Variants in MSR1 observed in about 807,000 individuals in gnomAD.
The protein encoded by MSR1 is macrophage scavenger receptor 1.
MSR1 carries 53 observed loss-of-function variants against 47.2 expected under a neutral mutation model. The observed-to-expected ratio is 1.12, with a 90% CI of 0.90 to 1.41. The LOEUF (loss-of-function observed/expected upper bound fraction) is 1.41. MSR1 is among the 40% of genes most tolerant of loss of function. The probability of loss-of-function intolerance (pLI) is 0.00; values close to 1 mark genes in which losing one functional copy is unlikely to be tolerated. For synonymous variants in MSR1, 239 were observed against 185.6 expected, an observed-to-expected ratio of 1.29 and a Z score of -2.34; for missense variants, 786 against 546.9, an observed-to-expected ratio of 1.44 and a Z score of -4.36.
intron 5 of MSR1, among the ~76,000 whole-genome samples, chr8:16,161,345 G>A (rs1293739520): frequency 6.6e-6 from 1 of 151,946 alleles, no homozygotes; most frequent in Non-Finnish European, 1.5e-5. Flanking sequence ...GGCAGATGCG[G>A]GTGGCTAGTT....
chr8:16,113,673 C>G (rs1799813101), intron 9 of MSR1, among the ~76,000 whole-genome samples: 1 of 151,986 alleles, frequency 6.6e-6, no homozygotes, highest in African/African-American at 2.4e-5. Flanking sequence ...ACTCATTTTT[C>G]CTCAATTTTA....
chr8:16,111,633 T>C (rs76903738), intron 9 of MSR1, among the ~76,000 whole-genome samples: 13,819 of 152,052 alleles, frequency 0.091, 827 homozygotes, highest in African/African-American at 0.16. Flanking sequence ...TTTTTAGAAA[T>C]TGCAGTAAGG....
At chr8:16,143,637 T>C (rs146511318) in intron 7 of MSR1, 26 bp from the exon 8 acceptor site, 3 of 1,596,100 alleles carry the variant, frequency 1.9e-6, no homozygotes, top group South Asian at 1.1e-5. Context: ...AAAATATTTG[T>C]TTTTAATCAG....
chr8:16,171,618 A>T (rs1288411615), intron 3 of MSR1, among the ~76,000 whole-genome samples: 1 of 152,168 alleles, frequency 6.6e-6, no homozygotes, highest in Non-Finnish European at 1.5e-5. Flanking sequence ...TGTGGAAAGT[A>T]TTGCTTGAGT....
intron 6 of MSR1, 151 bp from the exon 7 acceptor site, chr8:16,150,462 C>T (rs1800825249): frequency 5.8e-6 from 2 of 342,754 alleles, no homozygotes; most frequent in African/African-American, 4.3e-5. Flanking sequence ...TAATGTTTGA[C>T]ATTGAAAAAC....
At chr8:16,136,155 G>T (rs531003158) in intron 8 of MSR1, among the ~76,000 whole-genome samples, 1 of 152,098 alleles carries the variant, frequency 6.6e-6, no homozygotes, top group East Asian at 1.9e-4. Flanking sequence ...TCTAAAGTGG[G>T]TCAATGCTAT....
At chr8:16,179,877 C>G (rs1437728784) in intron 1 of MSR1, among the ~76,000 whole-genome samples, 1 of 32,168 alleles carries the variant, frequency 3.1e-5, no homozygotes, top group Non-Finnish European at 5.4e-5. Context: ...AACCCTGTGT[C>G]TCAAAAAAAA....
rs3036816 is a variant in MSR1, at chr8:16,150,851, AACACACACAC to A, written c.899-550_899-541del. On this transcript the variant is annotated intron_variant, in intron 6 of 9. Transcript: ENST00000262101. ...CCCAGGGTAAATAAACATAAACATA[AACACACACAC>A]ACACACACACACACACACACACACA... is the stretch of plus-strand genomic sequence containing the variant. Among the ~76,000 whole-genome samples the A allele has an allele frequency of 9.8e-5, 14 of 142,140 alleles. 1 individual carries two copies. The highest frequency in any genetic ancestry group is 9.2e-4 in the South Asian group (4 of 4,336). 93.2% of individuals were successfully genotyped at this position (142,140 alleles called of 152,430 possible).
intron 3 of MSR1, among the ~76,000 whole-genome samples, chr8:16,169,258 G>C (rs1335700017): frequency 1.3e-5 from 2 of 152,182 alleles, no homozygotes; most frequent in African/African-American, 4.8e-5. Context: ...AGTTTCTGAA[G>C]TAAGCATGTT....
intron 1 of MSR1, among the ~76,000 whole-genome samples, chr8:16,181,527 T>C (rs1263243649): frequency 3.9e-5 from 6 of 152,132 alleles, no homozygotes; most frequent in African/African-American, 1.4e-4. Flanking sequence ...GAAACCATAA[T>C]TCTCCGCAAA....
chr8:16,123,294 G>A (rs145199565), intron 8 of MSR1, among the ~76,000 whole-genome samples: 9 of 152,204 alleles, frequency 5.9e-5, no homozygotes, highest in East Asian at 1.9e-4. Context: ...GAGGAAAGGC[G>A]TCTCAATAGG....
At position 16,161,155 on chromosome 8, in the gene MSR1, G is replaced by A. The variant is rs76851409; in HGVS notation, c.817+2910C>T. On this transcript the variant is annotated intron_variant, in intron 5 of 9. Coordinates refer to ENST00000262101, the MANE Select transcript of MSR1 (RefSeq NM_138715.3). ...TTGCTTGAATTAGAGTAGTAGTAGA[G>A]AGTAAGAAGAAGTTTGGTTTGAGAT... is the stretch of plus-strand genomic sequence containing the variant. Among the ~76,000 whole-genome samples the A allele has an allele frequency of 7.5e-3, 1,138 of 151,386 alleles. 14 individuals carry two copies. Among genetic ancestry groups the A allele is most frequent in the African/African-American group, 0.026 (1,093 of 41,268 alleles).
intron 3 of MSR1, among the ~76,000 whole-genome samples, chr8:16,173,256 G>A (rs1801540423): frequency 6.6e-6 from 1 of 152,142 alleles, no homozygotes; most frequent in Non-Finnish European, 1.5e-5. Context: ...AACTTGGTTA[G>A]AACCTTGAAT....
At chr8:16,138,102 T>C (rs7844226) in intron 8 of MSR1, among the ~76,000 whole-genome samples, 144,440 of 152,048 alleles carry the variant, frequency 0.95, 69,056 homozygotes, top group East Asian at 1. Flanking sequence ...GCTGAGTCCT[T>C]AGTAAAAATC....
chr8:16,152,696 C>G (rs1800893836), intron 6 of MSR1, among the ~76,000 whole-genome samples: 1 of 152,030 alleles, frequency 6.6e-6, no homozygotes, highest in Admixed American at 6.6e-5. Context: ...AAGAAAGTTG[C>G]TTCTCCTTCA....
intron 7 of MSR1, among the ~76,000 whole-genome samples, chr8:16,146,837 A>G (rs1800712550): frequency 6.6e-6 from 1 of 152,196 alleles, no homozygotes; most frequent in South Asian, 2.1e-4. Flanking sequence ...AATCATAGAT[A>G]AACTTTGTCT....
intron 8 of MSR1, among the ~76,000 whole-genome samples, chr8:16,128,533 A>C (rs1385895291): frequency 6.6e-6 from 1 of 152,168 alleles, no homozygotes; most frequent in Non-Finnish European, 1.5e-5. Context: ...TTTAATGTCA[A>C]GAACTCTGAG....
In MSR1 at chr8:16,185,482, T is replaced by C. The variant is rs114604771; in HGVS notation, c.-5+7116A>G. ...TTATTATCATACCCACTTATTATTA[T>C]CATCTACTTACTGTATAGTGGAGAA... On this transcript the variant is annotated intron_variant, in intron 1 of 9. Coordinates refer to ENST00000262101, the MANE Select transcript of MSR1 (RefSeq NM_138715.3). 8.5e-3 allele frequency among the ~76,000 whole-genome samples: 1,299 copies of C among 152,296 alleles called. 23 individuals carry two copies. The highest frequency in any genetic ancestry group is 0.03 in the African/African-American group (1,242 of 41,574).
At chr8:16,131,853 G>C (rs1179075788) in intron 8 of MSR1, among the ~76,000 whole-genome samples, 1 of 151,936 alleles carries the variant, frequency 6.6e-6, no homozygotes, top group East Asian at 1.9e-4. Flanking sequence ...GTCTGTTTTT[G>C]TACTAGTACC....
Sources: allele counts gnomAD v4.1 joint callset (sites outside exome capture counted in the v4.1 genomes callset), GRCh38; gene constraint gnomAD v4.1.1; transcripts MANE v1.5; gene names NCBI Gene and HGNC (gene_info 2026-07-23, HGNC 2026-07-21).